The following PARD3B variants were observed in gnomAD, a reference collection of about 807,000 sequenced individuals.
The protein encoded by PARD3B is par-3 family cell polarity regulator beta.
A neutral mutation model predicts 130.2 loss-of-function variants in PARD3B; 103 were observed. That is an observed-to-expected ratio of 0.79 (90% CI 0.67 to 0.93). The LOEUF is 0.93. Ranked by LOEUF, PARD3B falls within the 40% of genes least tolerant of loss-of-function variation. The pLI, the probability that PARD3B is intolerant of heterozygous loss-of-function variation, is 0.00. For synonymous variants in PARD3B, 583 were observed against 553.2 expected (o/e 1.05, Z -0.76); for missense variants, 1,609 against 1,499.2 (o/e 1.07, Z -1.21).
intron 2 of PARD3B, among the ~76,000 whole-genome samples, chr2:204,780,625 A>T (rs1173441192): frequency 6.6e-6 from 1 of 152,212 alleles, no homozygotes; most frequent in African/African-American, 2.4e-5. Flanking sequence ...GAACGATTTT[A>T]ATCCAAGACT....
At chr2:205,559,678 A>G (rs1355934520) in intron 22 of PARD3B, among the ~76,000 whole-genome samples, 1 of 140,060 alleles carries the variant, frequency 7.1e-6, no homozygotes, top group Non-Finnish European at 1.5e-5. Context: ...GGCTCACCGC[A>G]ACTTCCGCCT....
chr2:205,066,990 G>T (rs560596895), intron 4 of PARD3B, among the ~76,000 whole-genome samples: 3 of 150,916 alleles, frequency 2.0e-5, no homozygotes, highest in African/African-American at 7.3e-5. Context: ...AAAACTGGGG[G>T]ATCTAATGGA....
intron 1 of PARD3B, among the ~76,000 whole-genome samples, chr2:204,635,365 C>T (rs2034838579): frequency 6.6e-6 from 1 of 152,112 alleles, no homozygotes; most frequent in South Asian, 2.1e-4. Flanking sequence ...GTGTCTAGGT[C>T]TTTTCAATGA....
chr2:205,260,513 T>C (rs1055355011), intron 16 of PARD3B, among the ~76,000 whole-genome samples: 1 of 152,138 alleles, frequency 6.6e-6, no homozygotes, highest in East Asian at 1.9e-4. Context: ...GAGGTCATAT[T>C]TGGTTGGCTT....
chr2:205,498,016 AACACACAC>A (rs57531393), intron 20 of PARD3B, among the ~76,000 whole-genome samples: 5 of 141,972 alleles, frequency 3.5e-5, no homozygotes, highest in Non-Finnish European at 6.1e-5. Context: ...GTCTCTACTA[AACACACAC>A]ACACACACAC....
intron 15 of PARD3B, among the ~76,000 whole-genome samples, chr2:205,198,535 T>C (rs1475503521): frequency 2.6e-5 from 4 of 152,222 alleles, no homozygotes; most frequent in Non-Finnish European, 4.4e-5. Context: ...GGAAATGTTT[T>C]TAGACACCCA....
At chr2:205,217,875 TA>T (rs2038020637) in intron 15 of PARD3B, among the ~76,000 whole-genome samples, 1 of 51,264 alleles carries the variant, frequency 2.0e-5, no homozygotes, top group Admixed American at 3.3e-4. Context: ...TGTGTATATA[TA>T]TATATATATA....
chr2:204,908,336 A>T (rs950978335), intron 2 of PARD3B, among the ~76,000 whole-genome samples: 1 of 152,240 alleles, frequency 6.6e-6, no homozygotes, highest in East Asian at 1.9e-4. Context: ...ATTGAATCCC[A>T]TATAAATGAG....
At chr2:204,726,157 GATGTTTATGTTCATTATTATGCTT>G (rs1330180506) in intron 2 of PARD3B, among the ~76,000 whole-genome samples, 1 of 152,158 alleles carries the variant, frequency 6.6e-6, no homozygotes, top group Non-Finnish European at 1.5e-5. Context: ...AAAGAGAAGT[GATGTTTATGTTCATTATTATGCTT>G]ATGTTGGGTG....
At chr2:205,240,726 T>A (rs2039315428) in intron 15 of PARD3B, among the ~76,000 whole-genome samples, 1 of 152,212 alleles carries the variant, frequency 6.6e-6, no homozygotes, top group African/African-American at 2.4e-5. Context: ...CTGCAAATTT[T>A]TATTAAGCAA....
At chr2:205,270,218 A>G (rs948577227) in intron 16 of PARD3B, among the ~76,000 whole-genome samples, 3 of 152,188 alleles carry the variant, frequency 2.0e-5, no homozygotes, top group Admixed American at 1.3e-4. Context: ...GACTAAATTA[A>G]TTCATAATAC....
chr2:204,792,968 A>G (rs2042248449), intron 2 of PARD3B, among the ~76,000 whole-genome samples: 1 of 152,036 alleles, frequency 6.6e-6, no homozygotes, highest in Admixed American at 6.6e-5. Flanking sequence ...GCTGGTAACA[A>G]GCAGAATCAC....
chr2:205,283,066 C>T lies in PARD3B; in HGVS notation c.2186-17464C>T, dbSNP rs79747597. On this transcript the variant is annotated intron_variant, in intron 16 of 22. Transcript: ENST00000406610. ...AAAAAGGTGTGGGGTTTTGGGGAAC[C>T]CAGAGTAAGAAAGTGTATAAACTCT... Among the ~76,000 whole-genome samples, 960 of 152,254 alleles carry T rather than the reference C, an allele frequency of 6.3e-3. 10 individuals are homozygous for T. Among genetic ancestry groups the T allele is most frequent in the African/African-American group, 0.022 (899 of 41,560 alleles).
At chr2:205,248,424 A>G (rs1174158092) in intron 16 of PARD3B, among the ~76,000 whole-genome samples, 1 of 146,634 alleles carries the variant, frequency 6.8e-6, no homozygotes, top group African/African-American at 2.7e-5. Context: ...TGGCGGCAGC[A>G]GCAGCAGCAG....
intron 1 of PARD3B, among the ~76,000 whole-genome samples, chr2:204,680,925 T>TTG (rs542125080): frequency 8.5e-4 from 129 of 151,992 alleles, no homozygotes; most frequent in African/African-American, 2.6e-3. Context: ...GTTACACTAT[T>TTG]TGTGTGTGTG....
At chr2:204,651,964 G>T (rs1394243147) in intron 1 of PARD3B, among the ~76,000 whole-genome samples, 2 of 152,166 alleles carry the variant, frequency 1.3e-5, no homozygotes, top group Non-Finnish European at 1.5e-5. Context: ...GGGATGTGGG[G>T]CACCATGTCC....
intron 2 of PARD3B, among the ~76,000 whole-genome samples, chr2:204,885,192 C>T (rs1473259684): frequency 6.6e-6 from 1 of 152,158 alleles, no homozygotes; most frequent in Admixed American, 6.5e-5. Context: ...GAGATGGTAT[C>T]TCATTGTGGT....
chr2:205,500,150 A>G (rs2050107366), intron 21 of PARD3B, 119 bp downstream of exon 21: 41 of 1,193,980 alleles, frequency 3.4e-5, no homozygotes, highest in Non-Finnish European at 4.5e-5. Context: ...CTTGGGCTTC[A>G]TAGACAGGAA....
chr2:204,711,504 C>T (rs1027141754), intron 2 of PARD3B, among the ~76,000 whole-genome samples: 1 of 151,940 alleles, frequency 6.6e-6, no homozygotes, highest in Non-Finnish European at 1.5e-5. Flanking sequence ...TGCATATTGT[C>T]TCAATTATCC....
Sources: gnomAD v4.1 joint callset for allele counts (sites outside exome capture counted in the v4.1 genomes callset) on GRCh38, gnomAD v4.1.1 for gene constraint, MANE v1.5 for transcripts, NCBI Gene and HGNC (gene_info 2026-07-23, HGNC 2026-07-21) for gene names.